The following RAD51B variants were observed in gnomAD, a reference collection of about 807,000 sequenced individuals.
RAD51B encodes RAD51 paralog B, also known as DNA repair protein RAD51 homolog 2.
A neutral mutation model predicts 42.2 loss-of-function variants in RAD51B; 38 were observed. That is an observed-to-expected ratio of 0.90 (90% CI 0.70 to 1.18). RAD51B has a LOEUF of 1.18. Ranked by LOEUF, RAD51B falls within the 50% of genes most tolerant of loss-of-function variation. The pLI is 0.00. For synonymous variants in RAD51B, 154 were observed against 145.2 expected, an observed-to-expected ratio of 1.06 and a Z score of -0.43; for missense variants, 373 against 400.7, an observed-to-expected ratio of 0.93 and a Z score of 0.59.
chr14:68,071,951 T>C (rs191807634), intron 7 of RAD51B, among the ~76,000 whole-genome samples: 2 of 149,292 alleles, frequency 1.3e-5, no homozygotes, highest in East Asian at 3.9e-4. Flanking sequence ...TATTGATCTG[T>C]TCAGGGATTC....
chr14:68,063,931 A>G (rs189029456), intron 7 of RAD51B, among the ~76,000 whole-genome samples: 65 of 152,142 alleles, frequency 4.3e-4, no homozygotes, highest in African/African-American at 1.5e-3. Flanking sequence ...GCTGTTTTAT[A>G]TGTCCTTTTT....
At chr14:68,311,934 GC>G (rs1178334932) in intron 8 of RAD51B, among the ~76,000 whole-genome samples, 1 of 152,122 alleles carries the variant, frequency 6.6e-6, no homozygotes, top group Non-Finnish European at 1.5e-5. Flanking sequence ...CTGGATATTG[GC>G]CCCAAACATA....
chr14:68,393,033 T>C (rs1477537705), intron 8 of RAD51B, among the ~76,000 whole-genome samples: 1 of 152,212 alleles, frequency 6.6e-6, no homozygotes, highest in South Asian at 2.1e-4. Flanking sequence ...ATTTCCCCTA[T>C]TGGGAAGGAG....
At chr14:68,291,240 C>T (rs1014103742) in intron 7 of RAD51B, among the ~76,000 whole-genome samples, 25 of 151,976 alleles carry the variant, frequency 1.6e-4, no homozygotes, top group African/African-American at 6.0e-4. Flanking sequence ...CTCTTGTTGT[C>T]CAGGCTAGAG....
intron 10 of RAD51B, among the ~76,000 whole-genome samples, chr14:68,508,098 C>T (rs539882315): frequency 3.3e-5 from 5 of 152,280 alleles, no homozygotes; most frequent in Non-Finnish European, 7.4e-5. Flanking sequence ...TGAGGGGAGT[C>T]TCCATGATGA....
chr14:68,235,890 G>A (rs936270679), intron 7 of RAD51B, among the ~76,000 whole-genome samples: 1 of 152,038 alleles, frequency 6.6e-6, no homozygotes, highest in African/African-American at 2.4e-5. Context: ...AAAAGAATGA[G>A]ATCATGTCCT....
At chr14:68,278,843 AT>A (rs1488548194) in intron 7 of RAD51B, among the ~76,000 whole-genome samples, 2 of 151,966 alleles carry the variant, frequency 1.3e-5, no homozygotes, top group Non-Finnish European at 2.9e-5. Context: ...ATTTTGAGGG[AT>A]TTTTCTTTGC....
At chr14:68,104,644 G>T (rs913994207) in intron 7 of RAD51B, among the ~76,000 whole-genome samples, 7 of 152,054 alleles carry the variant, frequency 4.6e-5, no homozygotes, top group African/African-American at 1.7e-4. Context: ...TTGGAATAGG[G>T]TTATCTCCAG....
intron 7 of RAD51B, among the ~76,000 whole-genome samples, chr14:68,202,504 A>G (rs866711911): frequency 6.6e-6 from 1 of 151,502 alleles, no homozygotes; most frequent in Non-Finnish European, 1.5e-5. Flanking sequence ...TGATGTTCAC[A>G]GCACCTTCAC....
intron 10 of RAD51B, among the ~76,000 whole-genome samples, chr14:68,647,623 C>T (rs1355824477): frequency 6.6e-6 from 1 of 152,150 alleles, no homozygotes; most frequent in Non-Finnish European, 1.5e-5. Flanking sequence ...ACACAGTCCT[C>T]ACCACATTAT....
At chr14:67,991,418 CTG>C (rs2075294631) in intron 7 of RAD51B, among the ~76,000 whole-genome samples, 1 of 152,180 alleles carries the variant, frequency 6.6e-6, no homozygotes, top group African/African-American at 2.4e-5. Context: ...GGCTATTAGA[CTG>C]TTGATCACAG....
intron 7 of RAD51B, among the ~76,000 whole-genome samples, chr14:68,082,300 A>G (rs1327779737): frequency 6.6e-6 from 1 of 152,190 alleles, no homozygotes; most frequent in Non-Finnish European, 1.5e-5. Context: ...TTATTTTTAA[A>G]TAGGAAATAC....
chr14:68,018,314 GT>G (rs2075809953), intron 7 of RAD51B, among the ~76,000 whole-genome samples: 1 of 152,144 alleles, frequency 6.6e-6, no homozygotes, highest in South Asian at 2.1e-4. Flanking sequence ...CTAAGCTTCT[GT>G]GTAATTTTTC....
intron 7 of RAD51B, among the ~76,000 whole-genome samples, chr14:68,089,541 C>T (rs542618753): frequency 1.3e-5 from 2 of 152,094 alleles, no homozygotes; most frequent in African/African-American, 2.4e-5. Context: ...ACTCAATACC[C>T]TACTATAAAA....
chr14:68,098,622 A>G (rs2077236860), intron 7 of RAD51B, among the ~76,000 whole-genome samples: 1 of 152,170 alleles, frequency 6.6e-6, no homozygotes, highest in Non-Finnish European at 1.5e-5. Flanking sequence ...CGTGAGACTT[A>G]TTCACTACCA....
At chr14:67,900,695 A>G (rs1159992732) in intron 7 of RAD51B, among the ~76,000 whole-genome samples, 2 of 151,360 alleles carry the variant, frequency 1.3e-5, no homozygotes, top group East Asian at 1.9e-4. Flanking sequence ...AAACTGGAAT[A>G]AAGTAATGCC....
At chr14:67,946,343 A>G (rs979782859) in intron 7 of RAD51B, among the ~76,000 whole-genome samples, 1 of 152,116 alleles carries the variant, frequency 6.6e-6, no homozygotes, top group Middle Eastern at 3.2e-3. Flanking sequence ...CCTGGTTAAA[A>G]TAGTTCCTCT....
chr14:67,899,499 C>G (rs987656003), intron 7 of RAD51B, among the ~76,000 whole-genome samples: 1 of 152,098 alleles, frequency 6.6e-6, no homozygotes, highest in Non-Finnish European at 1.5e-5. Context: ...AGCAATAGTT[C>G]TTTTTGTATT....
intron 7 of RAD51B, among the ~76,000 whole-genome samples, chr14:67,989,751 T>C (rs2075261419): frequency 6.6e-6 from 1 of 152,062 alleles, no homozygotes; most frequent in African/African-American, 2.4e-5. Flanking sequence ...GAGAGAACTT[T>C]CATTCGGAAT....
Sources: gnomAD v4.1 joint callset for allele counts (sites outside exome capture counted in the v4.1 genomes callset) on GRCh38, gnomAD v4.1.1 for gene constraint, MANE v1.5 for transcripts, NCBI Gene and HGNC (gene_info 2026-07-23, HGNC 2026-07-21) for gene names.